Variants in DMGDH observed in about 807,000 individuals in gnomAD.
DMGDH encodes dimethylglycine dehydrogenase, also known as dimethylglycine dehydrogenase, mitochondrial.
A neutral mutation model predicts 95.2 loss-of-function variants in DMGDH; 76 were observed. That is an observed-to-expected ratio of 0.80 (90% confidence interval 0.66 to 0.97). DMGDH has a LOEUF of 0.97. Among genes scored for constraint, DMGDH ranks in the 50% least tolerant of loss-of-function variants. The pLI, the probability that DMGDH is intolerant of heterozygous loss-of-function variation, is 0.00. For missense variants in DMGDH, 987 were observed against 1,055.0 expected, an observed-to-expected ratio of 0.94 and a Z score of 0.89; for synonymous variants, 345 against 377.6, an observed-to-expected ratio of 0.91 and a Z score of 1.00.
At chr5:79,044,987 C>T (rs1429240011) in intron 5 of DMGDH, among the ~76,000 whole-genome samples, 2 of 152,152 alleles carry the variant, frequency 1.3e-5, no homozygotes, top group Non-Finnish European at 1.5e-5. Flanking sequence ...CAACATAATA[C>T]ATAATGATAT....
intron 15 of DMGDH, among the ~76,000 whole-genome samples, chr5:78,999,525 G>T (rs1753417986): frequency 1.3e-5 from 2 of 151,840 alleles, no homozygotes; most frequent in South Asian, 4.2e-4. Flanking sequence ...AGTAGAGGCG[G>T]GGTTTCACCG....
At chr5:79,035,487 C>T (rs1754322785) in intron 7 of DMGDH, among the ~76,000 whole-genome samples, 1 of 152,184 alleles carries the variant, frequency 6.6e-6, no homozygotes, top group East Asian at 1.9e-4. Flanking sequence ...GATACAAATT[C>T]ATTTATCTGA....
intron 10 of DMGDH, 32 bp downstream of exon 10, chr5:79,030,801 C>A (rs767233360): frequency 1.4e-5 from 22 of 1,611,122 alleles, no homozygotes; most frequent in Non-Finnish European, 1.9e-5. Flanking sequence ...AGGTCAGAAT[C>A]CTGGACCTTG....
intron 11 of DMGDH, among the ~76,000 whole-genome samples, chr5:79,029,017 C>T (rs550445088): frequency 6.6e-6 from 1 of 152,176 alleles, no homozygotes; most frequent in Non-Finnish European, 1.5e-5. Context: ...TACCTGTACA[C>T]AGGAGGCACA....
chr5:79,008,970 C>T (rs984879005), intron 14 of DMGDH, among the ~76,000 whole-genome samples: 4 of 152,034 alleles, frequency 2.6e-5, no homozygotes, highest in East Asian at 1.9e-4. Context: ...AGTTACATGA[C>T]GAGATAAACC....
intron 15 of DMGDH, among the ~76,000 whole-genome samples, chr5:79,004,393 C>T (rs955146348): frequency 3.9e-5 from 6 of 152,144 alleles, no homozygotes; most frequent in African/African-American, 7.2e-5. Flanking sequence ...AAACAAATAT[C>T]AAGTAGGCTG....
chr5:79,063,999 C>G (rs1755294295), intron 1 of DMGDH, among the ~76,000 whole-genome samples: 1 of 152,132 alleles, frequency 6.6e-6, no homozygotes, highest in Non-Finnish European at 1.5e-5. Context: ...TATAATGATT[C>G]TGGTCCATTG....
intron 7 of DMGDH, among the ~76,000 whole-genome samples, chr5:79,038,889 T>C (rs978408511): frequency 1.3e-5 from 2 of 151,956 alleles, no homozygotes; most frequent in Admixed American, 6.6e-5. Flanking sequence ...CATCAAAAAG[T>C]GGGCGAAGGA....
intron 4 of DMGDH, among the ~76,000 whole-genome samples, chr5:79,052,470 T>C (rs1019722099): frequency 2.6e-5 from 4 of 152,246 alleles, no homozygotes; most frequent in Admixed American, 2.0e-4. Flanking sequence ...ACGAATTCAA[T>C]CCTTTCATTT....
intron 14 of DMGDH, among the ~76,000 whole-genome samples, chr5:79,010,566 AG>A (rs1307545289): frequency 1.3e-5 from 2 of 152,162 alleles, no homozygotes; most frequent in Non-Finnish European, 2.9e-5. Flanking sequence ...TGCTGTCCCC[AG>A]CCCCACTCTG....
chr5:79,005,493 C>T lies in DMGDH; in HGVS notation c.2251-86G>A. 6 of 1,566,494 alleles carry T rather than the reference C, an allele frequency of 3.8e-6. No homozygotes were observed. The East Asian group carries it at 1.4e-4, about 35-fold the overall frequency. The stretch of plus-strand genomic sequence containing the variant: ...ATGCAAGCATTTAAATTTGTCTTTC[C>T]TATTTTCTCACCAATTACACATTAA... On this transcript the variant is annotated intron_variant, in intron 14 of 15. Transcript: ENST00000255189.
At chr5:79,003,128 G>C (rs1456542864) in intron 15 of DMGDH, among the ~76,000 whole-genome samples, 1 of 152,222 alleles carries the variant, frequency 6.6e-6, no homozygotes, top group Non-Finnish European at 1.5e-5. Flanking sequence ...ATTCCATGCT[G>C]AGTAAAACAG....
At chr5:79,041,711 G>A (rs923516065) in intron 7 of DMGDH, among the ~76,000 whole-genome samples, 2 of 152,124 alleles carry the variant, frequency 1.3e-5, no homozygotes, top group African/African-American at 2.4e-5. Context: ...AAAGCTCCAG[G>A]AGGCCGGGTG....
intron 14 of DMGDH, among the ~76,000 whole-genome samples, chr5:79,014,331 CTGA>C (rs1332680405): frequency 6.6e-6 from 1 of 152,054 alleles, no homozygotes; most frequent in Non-Finnish European, 1.5e-5. Flanking sequence ...GTTTTTTAAT[CTGA>C]TGATTCAAAG....
At chr5:79,001,415 G>T (rs1308680445) in intron 15 of DMGDH, among the ~76,000 whole-genome samples, 1 of 152,124 alleles carries the variant, frequency 6.6e-6, no homozygotes, top group Non-Finnish European at 1.5e-5. Context: ...AGCCCGCCTT[G>T]GCCTCCCAAA....
chr5:79,025,544 ACTAT>A (rs1753976387), intron 13 of DMGDH, among the ~76,000 whole-genome samples: 1 of 152,184 alleles, frequency 6.6e-6, no homozygotes, highest in Non-Finnish European at 1.5e-5. Flanking sequence ...GACTCTCTCT[ACTAT>A]CTATGATAAT....
At chr5:79,028,294 G>A (rs902180786) in intron 12 of DMGDH, 139 bp downstream of exon 12, 1 of 734,544 alleles carries the variant, frequency 1.4e-6, no homozygotes, top group Non-Finnish European at 2.2e-6. Context: ...AAAGTCGCAT[G>A]GACAAAAGTG....
chr5:79,063,581 A>G, intron 2 of DMGDH, 32 bp downstream of exon 2: 1 of 1,614,048 alleles, frequency 6.2e-7, no homozygotes, highest in Middle Eastern at 1.7e-4. Context: ...GCACAATTCC[A>G]CGCTTATGAC....
intron 14 of DMGDH, chr5:79,021,794 G>T: frequency 9.1e-7 from 1 of 1,102,916 alleles, no homozygotes. Flanking sequence ...TTCTTGGGCA[G>T]TCTTTCAAGT....
Sources: allele counts gnomAD v4.1 joint callset (sites outside exome capture counted in the v4.1 genomes callset), GRCh38; gene constraint gnomAD v4.1.1; transcripts MANE v1.5; gene names NCBI Gene and HGNC (gene_info 2026-07-23, HGNC 2026-07-21).